The following MAPK10 variants were observed in gnomAD, a reference collection of about 807,000 sequenced individuals.
MAPK10 encodes mitogen-activated protein kinase 10.
Under a neutral mutation model 59.3 loss-of-function variants are expected in MAPK10, and 25 were observed. That is an observed-to-expected ratio of 0.42 (90% CI 0.31 to 0.59). MAPK10 has a LOEUF of 0.59. Among genes scored for constraint, MAPK10 ranks in the 20% least tolerant of loss-of-function variants. MAPK10 has a pLI of 0.15. For synonymous variants in MAPK10, 190 were observed against 200.5 expected, an observed-to-expected ratio of 0.95 and a Z score of 0.44; for missense variants, 351 against 568.9, an observed-to-expected ratio of 0.62 and a Z score of 3.90.
At chr4:86,553,971 G>A (rs1024792687) in intron 1 of MAPK10, among the ~76,000 whole-genome samples, 1 of 151,258 alleles carries the variant, frequency 6.6e-6, no homozygotes, top group Non-Finnish European at 1.5e-5. Context: ...CAAACTCCTA[G>A]GCTCAAGAGA....
intron 3 of MAPK10, among the ~76,000 whole-genome samples, chr4:86,189,575 T>C (rs374255731): frequency 1.3e-5 from 2 of 152,198 alleles, no homozygotes; most frequent in African/African-American, 4.8e-5. Context: ...ATAGAAATGC[T>C]TGTGATATTT....
At chr4:86,156,897 GA>G (rs1302911260) in intron 4 of MAPK10, among the ~76,000 whole-genome samples, 1 of 152,036 alleles carries the variant, frequency 6.6e-6, no homozygotes, top group Non-Finnish European at 1.5e-5. Flanking sequence ...AGGCTGTAGA[GA>G]ACTTCTCAGC....
At chr4:86,578,641 T>C (rs1398572142) in intron 1 of MAPK10, among the ~76,000 whole-genome samples, 1 of 151,742 alleles carries the variant, frequency 6.6e-6, no homozygotes, top group Non-Finnish European at 1.5e-5. Context: ...AACATTCAAA[T>C]CATAGATAAT....
At chr4:86,560,737 C>T (rs1189313022) in intron 1 of MAPK10, among the ~76,000 whole-genome samples, 1 of 152,162 alleles carries the variant, frequency 6.6e-6, no homozygotes, top group Admixed American at 6.5e-5. Context: ...TGCAATAATC[C>T]TTTTTGACCC....
At chr4:86,076,869 C>T (rs544471430) in intron 9 of MAPK10, among the ~76,000 whole-genome samples, 1 of 152,076 alleles carries the variant, frequency 6.6e-6, no homozygotes, top group Non-Finnish European at 1.5e-5. Context: ...TTAGAATACC[C>T]ATAAATTACC....
At chr4:86,127,206 A>T (rs1308371252) in intron 4 of MAPK10, among the ~76,000 whole-genome samples, 11 of 162 alleles carry the variant, frequency 0.068, no homozygotes, top group South Asian at 0.12. Context: ...AGCTTAATTA[A>T]AAAAAAAAAA....
intron 2 of MAPK10, among the ~76,000 whole-genome samples, chr4:86,284,282 A>G (rs1449757425): frequency 6.6e-6 from 1 of 152,228 alleles, no homozygotes; most frequent in Non-Finnish European, 1.5e-5. Context: ...TGGTAGAGGA[A>G]GAACTTGCAT....
rs546398898 is a variant in MAPK10 at position 86,295,859 on chromosome 4, G to A, written c.-7+58671C>T. On this transcript the variant is annotated intron_variant, in intron 2 of 13. Coordinates refer to ENST00000641462, the MANE Select transcript of MAPK10 (RefSeq NM_138982.4). ...TTTTTTTCCCTACCCTGCTCAAAGC[G>A]GAAAACAAAACAAAGACTCAAAGAA... Among the ~76,000 whole-genome samples the A allele has an allele frequency of 6.1e-4, 91 of 148,914 alleles. 1 individual carries two copies. The highest frequency in any genetic ancestry group is 4.9e-3 in the South Asian group (23 of 4,706).
chr4:86,104,492 A>C (rs2056180271), intron 5 of MAPK10, among the ~76,000 whole-genome samples: 1 of 152,134 alleles, frequency 6.6e-6, no homozygotes, highest in African/African-American at 2.4e-5. Context: ...TACACCTTTC[A>C]TTGGAACATC....
chr4:86,155,237 G>A (rs1256408524), intron 4 of MAPK10, among the ~76,000 whole-genome samples: 2 of 151,854 alleles, frequency 1.3e-5, no homozygotes, highest in African/African-American at 4.8e-5. Flanking sequence ...TGCTGAACAT[G>A]CCTGGCAATT....
At chr4:86,441,048 T>C (rs926477111) in intron 1 of MAPK10, among the ~76,000 whole-genome samples, 2 of 152,200 alleles carry the variant, frequency 1.3e-5, no homozygotes, top group Admixed American at 1.3e-4. Flanking sequence ...AAAATGTGTT[T>C]GGTGTAGATT....
Position 86,575,901 on chromosome 4 carries a change from A to C in MAPK10, c.-263+18009T>G, listed in dbSNP as rs574891091. ...AGAAGATAACAATAAACAGAAAAAA[A>C]TAGCATTTGGAGTAAATAAAGTATC... is the stretch of plus-strand genomic sequence containing the variant. On this transcript the variant is annotated intron_variant, in intron 1 of 4. Transcript: ENST00000502302. Among the ~76,000 whole-genome samples, 18 of 152,062 alleles carry C rather than the reference A, an allele frequency of 1.2e-4. No homozygotes were observed. In the South Asian group the frequency reaches 3.7e-3, roughly 32 times the overall value.
chr4:86,412,914 A>C (rs1269975257), intron 1 of MAPK10, among the ~76,000 whole-genome samples: 2 of 152,138 alleles, frequency 1.3e-5, no homozygotes, highest in Non-Finnish European at 1.5e-5. Context: ...AAACTCATCA[A>C]AGTTATTCTC....
At chr4:86,223,623 T>C (rs979261672) in intron 2 of MAPK10, among the ~76,000 whole-genome samples, 1 of 152,178 alleles carries the variant, frequency 6.6e-6, no homozygotes, top group Non-Finnish European at 1.5e-5. Flanking sequence ...CATTTCCACC[T>C]GCAGGAGGCA....
At chr4:86,281,081 C>G (rs1409925162) in intron 2 of MAPK10, among the ~76,000 whole-genome samples, 1 of 151,952 alleles carries the variant, frequency 6.6e-6, no homozygotes, top group Non-Finnish European at 1.5e-5. Context: ...ACATGAATCC[C>G]CTGAATCTAA....
intron 4 of MAPK10, among the ~76,000 whole-genome samples, chr4:86,136,494 T>C (rs911113222): frequency 2.0e-5 from 3 of 149,878 alleles, no homozygotes; most frequent in South Asian, 2.1e-4. Context: ...CTGAGAGATT[T>C]TGTCCCACCA....
chr4:86,514,509 C>A (rs1454055925), intron 1 of MAPK10, among the ~76,000 whole-genome samples: 1 of 152,094 alleles, frequency 6.6e-6, no homozygotes, highest in Non-Finnish European at 1.5e-5. Context: ...TTTAGAGAGT[C>A]CCCTCTATTG....
intron 1 of MAPK10, among the ~76,000 whole-genome samples, chr4:86,540,680 G>A (rs112976378): frequency 4.9e-4 from 75 of 152,268 alleles, no homozygotes; most frequent in African/African-American, 1.6e-3. Flanking sequence ...CAAGGAAGAA[G>A]AATAATTCCC....
intron 2 of MAPK10, among the ~76,000 whole-genome samples, chr4:86,232,813 CT>C (rs2091763299): frequency 6.6e-6 from 1 of 152,154 alleles, no homozygotes; most frequent in South Asian, 2.1e-4. Context: ...TCTAAGTTCC[CT>C]TTCTCTTCCT....
Sources: allele counts gnomAD v4.1 joint callset (sites outside exome capture counted in the v4.1 genomes callset), GRCh38; gene constraint gnomAD v4.1.1; transcripts MANE v1.5; gene names NCBI Gene and HGNC (gene_info 2026-07-23, HGNC 2026-07-21).